The following A2ML1 variants were observed in gnomAD, a reference collection of about 807,000 sequenced individuals.
A2ML1 encodes alpha-2-macroglobulin like 1.
Under a neutral mutation model 181.9 loss-of-function variants are expected in A2ML1, and 161 were observed. The ratio of observed to expected loss-of-function variants is 0.89; its 90% confidence interval spans 0.78 to 1.01. The LOEUF (loss-of-function observed/expected upper bound fraction) is 1.01. A2ML1 is among the 50% of genes least tolerant of loss of function. A2ML1 has a pLI of 0.00. For missense variants in A2ML1, 1,670 were observed against 1,768.1 expected, an observed-to-expected ratio of 0.94 and a Z score of 1.00; for synonymous variants, 663 against 666.8, an observed-to-expected ratio of 0.99 and a Z score of 0.09.
chr12:8,848,892 C>T lies in A2ML1; in HGVS notation c.2006C>T (p.Thr669Met), dbSNP rs745912214. The part of the protein sequence containing the change: ...IIWRPSFSEG[T>M]DLFSFFRDVG... The stretch of plus-strand genomic sequence containing the variant: ...TGGAGGCCCTCGTTCTCTGAAGGCA[C>T]GGACCTTTTCAGCTTTTTCCGGGTA... The change falls in exon 16 of 36, where the codon ACG becomes ATG. Residue 669 changes from threonine (T) to methionine (M), a missense_variant. Thr to Met is a moderately conservative substitution (Grantham distance 81). Transcript: ENST00000299698. The T allele has an allele frequency of 1.6e-5, 25 of 1,612,268 alleles. No individual in the cohort carries two copies. The highest frequency in any genetic ancestry group is 6.7e-5 in the East Asian group (3 of 44,882).
intron 8 of A2ML1, among the ~76,000 whole-genome samples, chr12:8,838,121 C>A (rs1338025281): frequency 6.6e-6 from 1 of 152,116 alleles, no homozygotes; most frequent in Non-Finnish European, 1.5e-5. Context: ...GTTTTGAAGG[C>A]ATTTCTTTTT....
At chr12:8,832,706 G>A (rs897759048) in intron 4 of A2ML1, among the ~76,000 whole-genome samples, 1 of 152,154 alleles carries the variant, frequency 6.6e-6, no homozygotes, top group African/African-American at 2.4e-5. Flanking sequence ...GATTGTTCTG[G>A]CTTCTTCCTG....
chr12:8,870,116 C>G (rs1482921944), intron 33 of A2ML1, among the ~76,000 whole-genome samples: 2 of 152,130 alleles, frequency 1.3e-5, no homozygotes, highest in African/African-American at 2.4e-5. Context: ...TTGAATATAA[C>G]CAAAAGACAA....
rs772958562 is a variant in A2ML1, at chr12:8,824,170, T to C, written c.409+288T>C. On this transcript the variant is annotated intron_variant, in intron 3 of 35. Transcript: ENST00000299698. ...TGGGTTGCTGGGCCTTACAACAAAC[T>C]GCTTGTAAATGGCTAAGAAAGCACT... Among the ~76,000 whole-genome samples, 3 of 150,928 alleles carry C rather than the reference T, an allele frequency of 2.0e-5. No individual in the cohort carries two copies. In the South Asian group the frequency reaches 6.3e-4, roughly 32 times the overall value.
chr12:8,883,473 TTC>T (rs962433758), intron 7 of A2ML1, among the ~76,000 whole-genome samples: 3 of 152,156 alleles, frequency 2.0e-5, no homozygotes, highest in East Asian at 1.9e-4. Context: ...CTTCTTCTTC[TTC>T]TCTCTCTCTC....
At position 8,847,607 on chromosome 12, in the gene A2ML1, T is replaced by C; in HGVS notation, c.1742T>C (p.Leu581Pro). The change falls in exon 15 of 36, where the codon CTG (leucine) becomes CCG (proline). Residue 581 changes from leucine to proline, a missense_variant. Physicochemically the swap from Leu to Pro is moderately conservative, Grantham distance 98 (BLOSUM62 -3). Coordinates refer to ENST00000299698, the MANE Select transcript of A2ML1 (RefSeq NM_144670.6). ...CCAGGAGCAGAAGTGGAGCTGCAGCTGCAGGCAGCTCCCGGATCCCTGTGT... is the reference window on the plus strand; with the variant it reads ...CCAGGAGCAGAAGTGGAGCTGCAGCCGCAGGCAGCTCCCGGATCCCTGTGT... ...QLPGAEVELQLQAAPGSLCAL... is the reference protein window; with the variant it reads ...QLPGAEVELQPQAAPGSLCAL... 1.2e-6 allele frequency: 2 copies of C among 1,613,708 alleles called. No individual in the cohort carries two copies. Among genetic ancestry groups the C allele is most frequent in the Middle Eastern group, 1.7e-4 (1 of 6,060 alleles).
chr12:8,862,322 C>G (rs1320386201), intron 28 of A2ML1, among the ~76,000 whole-genome samples: 1 of 152,154 alleles, frequency 6.6e-6, no homozygotes, highest in East Asian at 1.9e-4. Flanking sequence ...CCTGCCTCAG[C>G]CTCCCGAGTA....
At chr12:8,866,778 TAGG>T (rs1944440430) in intron 29 of A2ML1, among the ~76,000 whole-genome samples, 1 of 152,236 alleles carries the variant, frequency 6.6e-6, no homozygotes, top group African/African-American at 2.4e-5. Context: ...TCCTGTTTTG[TAGG>T]ACAGTGATAA....
At chr12:8,841,988 G>A (rs1029456060) in intron 11 of A2ML1, among the ~76,000 whole-genome samples, 2 of 152,096 alleles carry the variant, frequency 1.3e-5, no homozygotes, top group African/African-American at 4.8e-5. Context: ...CTTCAGTATC[G>A]TGCAGCAGAA....
Position 8,857,350 on chromosome 12 carries a change from T to C in A2ML1, c.3025+10T>C. On this transcript the variant is annotated intron_variant, in intron 24 of 35. Coordinates refer to ENST00000299698, the MANE Select transcript of A2ML1 (RefSeq NM_144670.6). ...GGTTTCCTGGAAATAGGTAAGTTGG[T>C]TCAGTCTTTCTTTCTTGAACACTCT... 1 of 1,613,710 alleles carries C rather than the reference T, an allele frequency of 6.2e-7. No individual in the cohort carries two copies. The highest frequency in any genetic ancestry group is 8.5e-7 in the Non-Finnish European group (1 of 1,179,816).
Position 8,842,369 on chromosome 12 carries a change from C to T in A2ML1, c.1249-765C>T, listed in dbSNP as rs1239016885. 3.3e-5 allele frequency among the ~76,000 whole-genome samples: 5 copies of T among 150,238 alleles called. No individual in the cohort carries two copies. The East Asian group carries it at 8.3e-4, about 25-fold the overall frequency. ...GAGTAGCTGGGACTACAGGCGCCTG[C>T]CACCACGCCCGGCTAATTTTTTGTA... On this transcript the variant is annotated intron_variant, in intron 11 of 35. Coordinates refer to ENST00000299698, the MANE Select transcript of A2ML1 (RefSeq NM_144670.6).
chr12:8,877,475 TAAAC>T (rs1446986507), downstream of A2ML1, among the ~76,000 whole-genome samples: 1 of 151,920 alleles, frequency 6.6e-6, no homozygotes, highest in East Asian at 1.9e-4. Context: ...ATAAGGAACT[TAAAC>T]AAATCAACAA....
At chr12:8,834,966 G>A (rs191419332) in intron 5 of A2ML1, 2 of 471,710 alleles carry the variant, frequency 4.2e-6, no homozygotes, top group South Asian at 3.1e-5. Flanking sequence ...ACTTAACCAG[G>A]CTTGGTTCCA....
At position 8,843,379 on chromosome 12, in the gene A2ML1, G is replaced by A. The variant is rs1172111240; in HGVS notation, c.1476+18G>A. 6.2e-7 allele frequency: 1 copy of A among 1,609,116 alleles called. No individual in the cohort carries two copies. The highest frequency in any genetic ancestry group is 8.5e-7 in the Non-Finnish European group (1 of 1,175,886). ...CCTACTATGTGAGACCGGGAAACGGGGACGGGTGAGAGTATGCTGGGAAGG... is the reference window on the plus strand; with the variant it reads ...CCTACTATGTGAGACCGGGAAACGGAGACGGGTGAGAGTATGCTGGGAAGG... On this transcript the variant is annotated intron_variant, in intron 12 of 35. Transcript: ENST00000299698.
rs1416957056 is a variant in A2ML1 at position 8,852,882 on chromosome 12, G to T, written c.2590+546G>T. Among the ~76,000 whole-genome samples the T allele has an allele frequency of 2.0e-5, 3 of 152,108 alleles. No individual in the cohort carries two copies. Among genetic ancestry groups the T allele is most frequent in the African/African-American group, 7.2e-5 (3 of 41,412 alleles). Reference sequence around the variant, plus strand: ...GGCTAATTTTTGTACTTTTAGTAGAGGTGGGGTTTTGCCATGTTGGCCAGG... The same window carrying T: ...GGCTAATTTTTGTACTTTTAGTAGATGTGGGGTTTTGCCATGTTGGCCAGG... On this transcript the variant is annotated intron_variant, in intron 20 of 35. Coordinates refer to ENST00000299698, the MANE Select transcript of A2ML1 (RefSeq NM_144670.6). This position sits in a 1 kb window ranked among gnomAD's most constrained non-coding sequence, Gnocchi z 4.2.
chr12:8,862,402 A>G (rs1190069562), intron 28 of A2ML1, among the ~76,000 whole-genome samples: 1 of 151,516 alleles, frequency 6.6e-6, no homozygotes, highest in Non-Finnish European at 1.5e-5. Flanking sequence ...GGGTTTCACC[A>G]TGTTGGCCAG....
chr12:8,832,288 C>G (rs1416223535), intron 4 of A2ML1, among the ~76,000 whole-genome samples: 1 of 152,158 alleles, frequency 6.6e-6, no homozygotes, highest in Non-Finnish European at 1.5e-5. Context: ...GGTTTTACAA[C>G]AGTGATGTTC....
intron 27 of A2ML1, 52 bp from the exon 28 acceptor site, chr12:8,861,083 C>A: frequency 1.9e-6 from 3 of 1,607,894 alleles, no homozygotes; most frequent in Middle Eastern, 1.7e-4. Context: ...TGATTACTTG[C>A]CATTTTTAAA....
chr12:8,823,671 T>A (rs771571490), intron 2 of A2ML1, 49 bp from the exon 3 acceptor site: 2 of 1,583,342 alleles, frequency 1.3e-6, no homozygotes, highest in Non-Finnish European at 1.7e-6. Context: ...CAGTTGATTC[T>A]GTTCCCCCAA....
Sources: gnomAD v4.1 joint callset for allele counts (sites outside exome capture counted in the v4.1 genomes callset) on GRCh38, gnomAD v4.1.1 for gene constraint, Gnocchi (gnomAD v3.1) non-coding constraint, MANE v1.5 for transcripts, NCBI Gene and HGNC (gene_info 2026-07-23, HGNC 2026-07-21) for gene names.